CAST: variants seen among roughly 807,000 people sequenced by gnomAD.
The protein encoded by CAST is calpastatin, also known as MIR583 host.
In CAST, 76 loss-of-function variants were observed where a neutral mutation model predicts 119.6. That is an observed-to-expected ratio of 0.64 (90% CI 0.53 to 0.77). The LOEUF is 0.77. Among genes scored for constraint, CAST ranks in the 30% least tolerant of loss-of-function variants. The pLI, the probability that CAST is intolerant of heterozygous loss-of-function variation, is 0.00. For synonymous variants in CAST, 319 were observed against 331.6 expected (o/e 0.96, Z 0.41); for missense variants, 953 against 946.5 (o/e 1.01, Z -0.09).
chr5:96,448,333 AG>A, the CAST span, among the ~76,000 whole-genome samples: 1 of 152,354 alleles, frequency 6.6e-6, no homozygotes, highest in Non-Finnish European at 1.5e-5. Flanking sequence ...GATAAGTGAA[AG>A]CAAGTGACCA....
chr5:96,575,859 T>C (rs1440251079), intron 1 of CAST, among the ~76,000 whole-genome samples: 1 of 152,136 alleles, frequency 6.6e-6, no homozygotes, highest in Non-Finnish European at 1.5e-5. Context: ...CCCAGGTTGA[T>C]CTTGCACTCC....
the CAST span, among the ~76,000 whole-genome samples, chr5:96,171,023 C>G: frequency 6.6e-6 from 1 of 151,862 alleles, no homozygotes; most frequent in Admixed American, 6.6e-5. Context: ...TTGGAGACTC[C>G]GCGACGCTTG....
intron 1 of CAST, among the ~76,000 whole-genome samples, chr5:96,561,369 A>T (rs550470817): frequency 7.3e-4 from 111 of 151,158 alleles, no homozygotes; most frequent in African/African-American, 2.6e-3. Flanking sequence ...AAAAAGAAAA[A>T]AAGGAAAATA....
intron 1 of CAST, among the ~76,000 whole-genome samples, chr5:96,534,006 A>G (rs1290255574): frequency 1.3e-5 from 2 of 152,260 alleles, no homozygotes; most frequent in African/African-American, 4.8e-5. Context: ...AACAATTGAC[A>G]GTGTATATTG....
rs937941434 is a variant in CAST at position 96,773,379 on chromosome 5, C to T, written c.*763C>T. ...AAGTCCTTGTGTAGCAAATTTCGAG[C>T]ATAAGAAATAAAATCTAATTAATTC... On this transcript the variant is annotated 3_prime_UTR_variant, in exon 32 of 32. Coordinates refer to ENST00000675179, the MANE Select transcript of CAST (RefSeq NM_001750.7). 6.5e-6 allele frequency: 1 copy of T among 153,032 alleles called. No individual in the cohort carries two copies. Among genetic ancestry groups the T allele is most frequent in the African/African-American group, 2.4e-5 (1 of 41,420 alleles). 9.5% of individuals were successfully genotyped at this position (153,032 alleles called of 1,614,324 possible).
At chr5:95,984,330 T>A in the CAST span, among the ~76,000 whole-genome samples, 9 of 152,278 alleles carry the variant, frequency 5.9e-5, no homozygotes, top group African/African-American at 2.2e-4. Flanking sequence ...ACTTTAAATT[T>A]TACTTTCGCC....
intron 11 of CAST, among the ~76,000 whole-genome samples, chr5:96,738,151 G>T (rs1314636360): frequency 2.0e-5 from 3 of 152,120 alleles, no homozygotes; most frequent in Non-Finnish European, 4.4e-5. Flanking sequence ...GTGAAACCCT[G>T]TCCTTACTAA....
At chr5:96,769,274 T>G (rs1375084022) in intron 29 of CAST, 2 of 152,186 alleles carry the variant, frequency 1.3e-5, no homozygotes, top group African/African-American at 4.8e-5. Context: ...CCCTGGTAAC[T>G]CGTAAGTAAT....
chr5:96,640,178 G>A (rs1297988528), intron 1 of CAST, among the ~76,000 whole-genome samples: 5 of 152,162 alleles, frequency 3.3e-5, no homozygotes, highest in Non-Finnish European at 7.3e-5. Flanking sequence ...GTGCATAAAG[G>A]AAAGGAAGGC....
chr5:96,111,805 CTTTA>C, the CAST span, among the ~76,000 whole-genome samples: 3 of 151,978 alleles, frequency 2.0e-5, no homozygotes, highest in African/African-American at 7.2e-5. Context: ...TATGGATTTG[CTTTA>C]TTTATTTATT....
the CAST span, among the ~76,000 whole-genome samples, chr5:96,017,674 A>G: frequency 6.6e-6 from 1 of 152,176 alleles, no homozygotes; most frequent in African/African-American, 2.4e-5. Flanking sequence ...AAATGTTGCT[A>G]TTGTAAAGAC....
the CAST span, among the ~76,000 whole-genome samples, chr5:96,191,037 A>G: frequency 1.3e-5 from 2 of 152,302 alleles, no homozygotes; most frequent in Middle Eastern, 3.4e-3. Context: ...AGCTGCAACC[A>G]TGTTGTTTCA....
intron 8 of CAST, 58 bp downstream of exon 8, chr5:96,729,783 T>C (rs1284348079): frequency 1.3e-6 from 1 of 784,786 alleles, no homozygotes. Context: ...AAGATACGGT[T>C]CCCCTGTTCA....
chr5:96,139,679 A>G, the CAST span, among the ~76,000 whole-genome samples: 5 of 151,882 alleles, frequency 3.3e-5, no homozygotes, highest in African/African-American at 1.2e-4. Context: ...TATCTGGGGA[A>G]CAAAAGTGGC....
chr5:96,764,038 C>T (rs1162192490), intron 25 of CAST, among the ~76,000 whole-genome samples: 1 of 151,312 alleles, frequency 6.6e-6, no homozygotes, highest in East Asian at 1.9e-4. Flanking sequence ...TATGTGAAAA[C>T]ATTTTGAAAA....
the CAST span, among the ~76,000 whole-genome samples, chr5:96,309,797 G>T: frequency 6.6e-6 from 1 of 152,214 alleles, no homozygotes; most frequent in Non-Finnish European, 1.5e-5. Flanking sequence ...TGTCCAACCA[G>T]TCCCATTGAG....
At chr5:96,704,389 C>T (rs1405136209) in intron 3 of CAST, among the ~76,000 whole-genome samples, 1 of 152,000 alleles carries the variant, frequency 6.6e-6, no homozygotes, top group Non-Finnish European at 1.5e-5. Context: ...AAAGCTAGTA[C>T]GTAAAGTAAC....
the CAST span, among the ~76,000 whole-genome samples, chr5:96,253,303 C>T: frequency 6.6e-6 from 1 of 152,024 alleles, no homozygotes; most frequent in Non-Finnish European, 1.5e-5. Context: ...GTGTCTGGAT[C>T]AGTGGTTATC....
the CAST span, among the ~76,000 whole-genome samples, chr5:96,219,424 T>C: frequency 3.0e-3 from 450 of 152,290 alleles, 4 homozygotes; most frequent in Middle Eastern, 0.01. Context: ...ACCCATTTTA[T>C]AGATAAAGGA....
Sources: allele counts gnomAD v4.1 joint callset (sites outside exome capture counted in the v4.1 genomes callset), GRCh38; gene constraint gnomAD v4.1.1; transcripts MANE v1.5; gene names NCBI Gene and HGNC (gene_info 2026-07-23, HGNC 2026-07-21).